The following TUSC3 variants were observed in gnomAD, a reference collection of about 807,000 sequenced individuals.
TUSC3 encodes tumor suppressor candidate 3.
TUSC3 carries 45 observed loss-of-function variants against 44.8 expected under a neutral mutation model. The ratio of observed to expected loss-of-function variants is 1.00; its 90% CI spans 0.79 to 1.29. The LOEUF (loss-of-function observed/expected upper bound fraction) is 1.29, where lower values mean the gene tolerates loss of function less well. Among genes scored for constraint, TUSC3 ranks in the 50% most tolerant of loss-of-function variants. TUSC3 has a pLI of 0.00. For synonymous variants in TUSC3, 212 were observed against 152.9 expected, an observed-to-expected ratio of 1.39 and a Z score of -2.85; for missense variants, 519 against 437.9, an observed-to-expected ratio of 1.19 and a Z score of -1.65.
chr8:15,754,884 T>C (rs921898215), intron 9 of TUSC3, among the ~76,000 whole-genome samples: 1 of 152,164 alleles, frequency 6.6e-6, no homozygotes, highest in African/African-American at 2.4e-5. Flanking sequence ...TTCGGCTTAT[T>C]CATTTTTATT....
chr8:15,539,489 C>G (rs28637649), upstream of TUSC3, among the ~76,000 whole-genome samples: 35,736 of 150,248 alleles, frequency 0.24, 4,398 homozygotes, highest in East Asian at 0.48. Flanking sequence ...AGTAGAGGAA[C>G]TGCAAGGCGC....
the TUSC3 span, among the ~76,000 whole-genome samples, chr8:15,788,570 T>A: frequency 2.0e-4 from 29 of 143,484 alleles, no homozygotes; most frequent in African/African-American, 6.9e-4. Flanking sequence ...AAAAAGGAAG[T>A]TAAATTTCAA....
intron 1 of TUSC3, among the ~76,000 whole-genome samples, chr8:15,463,335 A>G (rs1225426373): frequency 1.3e-5 from 2 of 152,168 alleles, no homozygotes; most frequent in East Asian, 1.9e-4. Flanking sequence ...GAATCACATC[A>G]TAAATTAAAA....
At chr8:15,623,800 G>A (rs1805362420) in intron 2 of TUSC3, among the ~76,000 whole-genome samples, 1 of 152,032 alleles carries the variant, frequency 6.6e-6, no homozygotes, top group Admixed American at 6.6e-5. Flanking sequence ...TGAAATAATT[G>A]TAGGTACACA....
At chr8:15,845,138 C>T in the TUSC3 span, among the ~76,000 whole-genome samples, 1 of 152,030 alleles carries the variant, frequency 6.6e-6, no homozygotes, top group Non-Finnish European at 1.5e-5. Context: ...CAAGAAGAAA[C>T]CTCATCATTA....
chr8:15,738,777 A>G (rs1439132848), intron 7 of TUSC3, among the ~76,000 whole-genome samples: 2 of 150,216 alleles, frequency 1.3e-5, no homozygotes, highest in Non-Finnish European at 3.0e-5. Flanking sequence ...ATACAAACAT[A>G]TACATCTTTT....
At chr8:15,674,001 C>T (rs1585216098) in intron 6 of TUSC3, among the ~76,000 whole-genome samples, 165 bp downstream of exon 6, 1 of 96,246 alleles carries the variant, frequency 1.0e-5, no homozygotes, top group South Asian at 2.8e-4. Flanking sequence ...TGTGCATACA[C>T]ACACACACAC....
intron 1 of TUSC3, among the ~76,000 whole-genome samples, chr8:15,604,771 G>A (rs1804446750): frequency 6.6e-6 from 1 of 151,084 alleles, no homozygotes; most frequent in Admixed American, 6.6e-5. Context: ...TAGGACTGTG[G>A]TATTCTGCAG....
At chr8:15,794,898 CAAAG>C in the TUSC3 span, among the ~76,000 whole-genome samples, 3 of 152,202 alleles carry the variant, frequency 2.0e-5, no homozygotes, top group East Asian at 5.8e-4. Flanking sequence ...CAATCCAAAA[CAAAG>C]AAAGTCACAA....
At chr8:15,724,257 A>G (rs1810415697) in intron 6 of TUSC3, among the ~76,000 whole-genome samples, 2 of 152,130 alleles carry the variant, frequency 1.3e-5, no homozygotes, top group Non-Finnish European at 2.9e-5. Flanking sequence ...ACTGTGAGAA[A>G]ATAATTTCTG....
At chr8:15,427,229 C>CT (rs765417646) in intron 1 of TUSC3, among the ~76,000 whole-genome samples, 21,524 of 144,534 alleles carry the variant, frequency 0.15, 2,200 homozygotes, top group African/African-American at 0.3. Context: ...AAGGTTTTTC[C>CT]TTTTTTTTTT....
chr8:15,682,623 G>A (rs763250957), intron 6 of TUSC3, among the ~76,000 whole-genome samples: 7 of 152,058 alleles, frequency 4.6e-5, no homozygotes, highest in Non-Finnish European at 7.4e-5. Flanking sequence ...CTATTAAGTG[G>A]AGCATTTAGA....
At chr8:15,673,700 TG>T in intron 5 of TUSC3, 46 bp from the exon 6 acceptor site, 1 of 1,381,224 alleles carries the variant, frequency 7.2e-7, no homozygotes, top group Non-Finnish European at 1.0e-6. Flanking sequence ...TGCATTATTC[TG>T]GTATTCTCTG....
intron 2 of TUSC3, among the ~76,000 whole-genome samples, chr8:15,489,560 T>C (rs544748492): frequency 9.6e-4 from 146 of 152,282 alleles, no homozygotes; most frequent in African/African-American, 3.3e-3. Context: ...CATTTCAAAA[T>C]ATGTCAAAGA....
upstream of TUSC3, among the ~76,000 whole-genome samples, chr8:15,540,049 G>A (rs1050285097): frequency 3.3e-5 from 5 of 152,194 alleles, no homozygotes; most frequent in African/African-American, 1.2e-4. Context: ...TAAAGTGCTG[G>A]ACTACCCAGT....
chr8:15,437,734 G>A (rs1036111347), intron 1 of TUSC3, among the ~76,000 whole-genome samples: 2 of 152,164 alleles, frequency 1.3e-5, no homozygotes, highest in Admixed American at 1.3e-4. Flanking sequence ...GGAAGCACTG[G>A]AAAGTAGAAA....
At chr8:15,537,495 C>T (rs1199764216), upstream of TUSC3, among the ~76,000 whole-genome samples, 2 of 152,178 alleles carry the variant, frequency 1.3e-5, no homozygotes, top group Non-Finnish European at 2.9e-5. Flanking sequence ...ATATTTGGCT[C>T]AGAATAAATC....
In TUSC3 at chr8:15,662,292, C is replaced by A; in HGVS notation, c.704C>A (p.Ser235Tyr). 6.2e-7 allele frequency: 1 copy of A among 1,612,602 alleles called. No homozygotes were observed. Among genetic ancestry groups the A allele is most frequent in the African/African-American group, 1.3e-5 (1 of 74,858 alleles). The stretch of plus-strand genomic sequence containing the variant: ...AACAAGACTGGTTGGGCCATGGTGT[C>A]TCTGGTATGTTAATACATTGTGCTT... ...IYNKTGWAMV[S>Y]LCIVFAMTSG... The change falls in exon 5 of 11, where the codon TCT becomes TAT. Residue 235 changes from serine to tyrosine, a missense_variant. By Grantham distance (144) the Ser-to-Tyr change is moderately radical. Transcript: ENST00000503731.
chr8:15,754,296 AC>A (rs1811828223), intron 9 of TUSC3, among the ~76,000 whole-genome samples: 1 of 150,300 alleles, frequency 6.7e-6, no homozygotes, highest in African/African-American at 2.4e-5. Context: ...AACTCTAGGG[AC>A]CAAGAGCTGA....
Sources: allele counts gnomAD v4.1 joint callset (sites outside exome capture counted in the v4.1 genomes callset), GRCh38; gene constraint gnomAD v4.1.1; transcripts MANE v1.5; gene names NCBI Gene and HGNC (gene_info 2026-07-23, HGNC 2026-07-21).